HEATR4: variants seen among roughly 807,000 people sequenced by gnomAD.
HEATR4 encodes HEAT repeat-containing protein 4.
Under a neutral mutation model 108.8 loss-of-function variants are expected in HEATR4, and 95 were observed. The observed-to-expected ratio is 0.87, with a 90% confidence interval of 0.74 to 1.04. HEATR4 has a LOEUF of 1.04. Ranked by LOEUF, HEATR4 falls within the 50% of genes least tolerant of loss-of-function variation. The pLI, the probability that HEATR4 is intolerant of heterozygous loss-of-function variation, is 0.00. For synonymous variants in HEATR4, 443 were observed against 459.4 expected, an observed-to-expected ratio of 0.96 and a Z score of 0.46; for missense variants, 1,152 against 1,253.8, an observed-to-expected ratio of 0.92 and a Z score of 1.23.
chr14:73,585,054 C>CCCTACACCTCT, the HEATR4 span, among the ~76,000 whole-genome samples: 1,262 of 151,754 alleles, frequency 8.3e-3, 4 homozygotes, highest in Middle Eastern at 0.031. Context: ...GGCCCCTGAC[C>CCCTACACCTCT]TGGGTGCCAC....
chr14:73,524,609 G>C (rs1341465496), intron 2 of HEATR4, among the ~76,000 whole-genome samples: 1 of 150,116 alleles, frequency 6.7e-6, no homozygotes, highest in Non-Finnish European at 1.5e-5. Context: ...CAGAGAGGTA[G>C]GTAAATTGCT....
At chr14:73,570,676 C>T in the HEATR4 span, among the ~76,000 whole-genome samples, 4 of 151,868 alleles carry the variant, frequency 2.6e-5, no homozygotes, top group East Asian at 3.9e-4. Context: ...AGGCCGAGGC[C>T]GGCGGATCAC....
intron 9 of HEATR4, 89 bp from the exon 10 acceptor site, chr14:73,506,660 A>G (rs35842680): frequency 0.17 from 166,626 of 953,632 alleles, 18,075 homozygotes; most frequent in Non-Finnish European, 0.22. Context: ...GGCATCCTGC[A>G]TAATTAATGT....
the HEATR4 span, chr14:73,569,249 C>T: frequency 6.2e-7 from 1 of 1,613,592 alleles, no homozygotes. Context: ...GGATGTCTAA[C>T]AAGCTTCTTT....
chr14:73,507,522 C>T (rs542861886), intron 9 of HEATR4, among the ~76,000 whole-genome samples: 3 of 152,226 alleles, frequency 2.0e-5, no homozygotes, highest in African/African-American at 7.2e-5. Context: ...CAGCCCCAAC[C>T]TGCCAGGCTC....
At position 73,548,613 on chromosome 14, in the gene HEATR4, G is replaced by A. The variant is rs1434787693; in HGVS notation, c.-152+10138C>T. ...GGAAGCACAGAATGGGAAAAGAAAG[G>A]GCGTGGAGGTTCAGCACATTCTGAG... On this transcript the variant is annotated intron_variant, in intron 1 of 17. Transcript: ENST00000553558. Among the ~76,000 whole-genome samples the A allele has an allele frequency of 5.2e-5, 6 of 115,558 alleles. 2 individuals are homozygous for A. The highest frequency in any genetic ancestry group is 1.4e-4 in the African/African-American group (5 of 35,626). The allele number at this position is 115,558 out of a possible 152,430, so 75.8% of individuals were successfully genotyped here. A position where few individuals can be genotyped will look rare whatever the true frequency, so the allele number is the denominator to read the frequency against.
At chr14:73,502,833 C>A in intron 11 of HEATR4, 62 bp downstream of exon 11, 2 of 1,324,578 alleles carry the variant, frequency 1.5e-6, no homozygotes, top group African/African-American at 1.4e-5. Context: ...CCTTGCCCAG[C>A]CTGCCTCCTA....
chr14:73,515,359 A>G (rs1385647144), intron 5 of HEATR4, among the ~76,000 whole-genome samples: 1 of 152,172 alleles, frequency 6.6e-6, no homozygotes, highest in African/African-American at 2.4e-5. Context: ...CAAGGAAGAC[A>G]TAACATTTCT....
the HEATR4 span, among the ~76,000 whole-genome samples, chr14:73,583,970 C>T: frequency 6.6e-6 from 1 of 151,724 alleles, no homozygotes; most frequent in Admixed American, 6.6e-5. Flanking sequence ...CATTGCACTC[C>T]AGCCTGGGCA....
the HEATR4 span, among the ~76,000 whole-genome samples, chr14:73,564,950 C>A: frequency 6.6e-6 from 1 of 151,836 alleles, no homozygotes; most frequent in Non-Finnish European, 1.5e-5. Context: ...CTCTAACCTG[C>A]TTTTTTCATC....
the HEATR4 span, among the ~76,000 whole-genome samples, chr14:73,585,530 C>CA: frequency 2.0e-5 from 3 of 151,652 alleles, no homozygotes; most frequent in African/African-American, 7.3e-5. Context: ...ACTAAAAATC[C>CA]AAAAAATAAT....
intron 6 of HEATR4, among the ~76,000 whole-genome samples, chr14:73,512,353 A>C (rs1198046331): frequency 6.6e-6 from 1 of 152,222 alleles, no homozygotes; most frequent in African/African-American, 2.4e-5. Context: ...GTTCCCAGAC[A>C]AAACTTCTCC....
intron 15 of HEATR4, among the ~76,000 whole-genome samples, chr14:73,495,909 C>T (rs955635881): frequency 6.6e-6 from 1 of 152,194 alleles, no homozygotes; most frequent in South Asian, 2.1e-4. Flanking sequence ...GGGTGGATCA[C>T]TTGAGGCCAG....
At chr14:73,509,611 A>G (rs569325416) in intron 7 of HEATR4, 138 bp from the exon 8 acceptor site, 15 of 814,906 alleles carry the variant, frequency 1.8e-5, no homozygotes, top group Non-Finnish European at 2.7e-5. Flanking sequence ...ATTACAGTTT[A>G]GCTGAGCCCT....
the HEATR4 span, among the ~76,000 whole-genome samples, chr14:73,601,620 G>A: frequency 6.6e-6 from 1 of 152,162 alleles, no homozygotes; most frequent in Non-Finnish European, 1.5e-5. Flanking sequence ...ATTTAAATTG[G>A]ATCATTTTGT....
In HEATR4 at chr14:73,495,297, C is replaced by A. The variant is rs754368305; in HGVS notation, c.2716G>T (p.Val906Phe). ...TGTTCTCCTTTGGGTTTCAAGTAAA[C>A]ACGTTTTGCTTCCTCCCTCACTTTT... Reference protein sequence around the residue: ...MGKVREEAKRVYLKPKGEQGP... With the variant: ...MGKVREEAKRFYLKPKGEQGP... The change falls in exon 16 of 18, where the codon GTT becomes TTT. Residue 906 changes from valine (V) to phenylalanine (F), a missense_variant. Transcript: ENST00000553558. The A allele has an allele frequency of 4.3e-6, 7 of 1,613,954 alleles. No homozygotes were observed. The South Asian group carries it at 7.7e-5, about 18-fold the overall frequency.
chr14:73,605,974 G>A, the HEATR4 span, among the ~76,000 whole-genome samples: 12 of 152,112 alleles, frequency 7.9e-5, no homozygotes, highest in African/African-American at 1.9e-4. Flanking sequence ...CACCCAGATC[G>A]ATTAACCGGC....
At chr14:73,584,333 C>G in the HEATR4 span, among the ~76,000 whole-genome samples, 1 of 151,736 alleles carries the variant, frequency 6.6e-6, no homozygotes, top group Non-Finnish European at 1.5e-5. Flanking sequence ...AACTCACCTC[C>G]ATCTCTTTTT....
chr14:73,581,502 A>AATTTCCTCATCT, the HEATR4 span: 3 of 151,950 alleles, frequency 2.0e-5, no homozygotes, highest in Admixed American at 6.6e-5. Flanking sequence ...TCCAGGCCTC[A>AATTTCCTCATCT]ATACAATGGG....
Sources: allele counts gnomAD v4.1 joint callset (sites outside exome capture counted in the v4.1 genomes callset), GRCh38; gene constraint gnomAD v4.1.1; transcripts MANE v1.5; gene names NCBI Gene and HGNC (gene_info 2026-07-23, HGNC 2026-07-21).